PCDHA1: variants seen among roughly 807,000 people sequenced by gnomAD.
The protein encoded by PCDHA1 is protocadherin alpha 1.
In PCDHA1, 42 loss-of-function variants were observed where a neutral mutation model predicts 61.3. The ratio of observed to expected loss-of-function variants is 0.69; its 90% CI spans 0.54 to 0.89. The LOEUF is 0.89. Ranked by LOEUF, PCDHA1 falls within the 40% of genes least tolerant of loss-of-function variation. The pLI is 0.00. For synonymous variants in PCDHA1, 610 were observed against 553.8 expected (o/e 1.10, Z -1.43); for missense variants, 1,256 against 1,235.3 (o/e 1.02, Z -0.25).
chr5:140,800,906 G>C (rs1477930970), intron 1 of PCDHA1: 4 of 480,420 alleles, frequency 8.3e-6, no homozygotes, highest in Non-Finnish European at 1.3e-5. Context: ...GTGACCGAAG[G>C]ATATTACAAT....
At chr5:140,822,042 C>A (rs148967528) in intron 1 of PCDHA1, 3 of 1,614,176 alleles carry the variant, frequency 1.9e-6, no homozygotes, top group Non-Finnish European at 2.5e-6. Context: ...ATTCTCGGAT[C>A]GACCGGGAGG....
intron 1 of PCDHA1, chr5:140,836,425 G>C (rs2150260582): frequency 1.2e-6 from 2 of 1,613,790 alleles, no homozygotes; most frequent in Non-Finnish European, 1.7e-6. Context: ...GCGTCGTCGC[G>C]GGCATCGTTG....
chr5:140,832,014 A>T (rs2150199112), intron 1 of PCDHA1, among the ~76,000 whole-genome samples: 4 of 152,220 alleles, frequency 2.6e-5, no homozygotes, highest in Non-Finnish European at 5.9e-5. Context: ...CATTTTACGT[A>T]AAGATTGAAT....
chr5:140,884,433 G>T, intron 1 of PCDHA1: 1 of 1,613,908 alleles, frequency 6.2e-7, no homozygotes, highest in Admixed American at 1.7e-5. Context: ...ACTGCGCTGC[G>T]GTGCTCGGCA....
Position 140,786,200 on chromosome 5 carries a change from A to G in PCDHA1, c.-91A>G, listed in dbSNP as rs1761290730. Reference sequence around the variant, plus strand: ...TGTCACCGCCTGAGAGAAGACAGAAACGGTAAAGAGATAAATGATTGGAAA... The same window carrying G: ...TGTCACCGCCTGAGAGAAGACAGAAGCGGTAAAGAGATAAATGATTGGAAA... On this transcript the variant is annotated 5_prime_UTR_variant, in exon 1 of 4. Coordinates refer to ENST00000504120, the MANE Select transcript of PCDHA1 (RefSeq NM_018900.4). 1 of 1,472,996 alleles carries G rather than the reference A, an allele frequency of 6.8e-7. No homozygotes were observed. Among genetic ancestry groups the G allele is most frequent in the Admixed American group, 2.3e-5 (1 of 43,940 alleles). 91.2% of individuals were successfully genotyped at this position (1,472,996 alleles called of 1,614,324 possible).
In PCDHA1 at chr5:140,801,636, C is replaced by A. The variant is rs139627437; in HGVS notation, c.2394+12952C>A. On this transcript the variant is annotated intron_variant, in intron 1 of 3. Transcript: ENST00000504120. ...GAATCTGTTTATTTCCGAATCCCGA[C>A]AGCCTGGCTCTCGGTTTTCGCTAGA... 9.9e-6 allele frequency: 16 copies of A among 1,614,120 alleles called. No individual in the cohort carries two copies. In the African/African-American group the frequency reaches 2.1e-4, roughly 22 times the overall value.
chr5:140,815,358 T>C (rs1447082855), intron 1 of PCDHA1: 3 of 152,110 alleles, frequency 2.0e-5, no homozygotes, highest in East Asian at 3.8e-4. Context: ...ATATCTTCCA[T>C]AGGTATTTTC....
At chr5:140,965,033 T>C (rs1563339344) in intron 1 of PCDHA1, among the ~76,000 whole-genome samples, 2 of 152,192 alleles carry the variant, frequency 1.3e-5, no homozygotes, top group African/African-American at 4.8e-5. Flanking sequence ...CCTTTAACTG[T>C]CCGCTCTAGG....
At chr5:140,824,186 A>G in intron 1 of PCDHA1, 1 of 1,603,756 alleles carries the variant, frequency 6.2e-7, no homozygotes, top group Non-Finnish European at 8.5e-7. Flanking sequence ...ATTAAATGTC[A>G]CATTCACCCA....
chr5:140,833,280 G>A (rs181122201), intron 1 of PCDHA1, among the ~76,000 whole-genome samples: 14 of 152,214 alleles, frequency 9.2e-5, no homozygotes, highest in African/African-American at 3.4e-4. Flanking sequence ...AACTTATTTA[G>A]GAAAGCATCT....
intron 1 of PCDHA1, among the ~76,000 whole-genome samples, chr5:140,791,579 G>C (rs1761661806): frequency 9.0e-6 from 1 of 110,682 alleles, no homozygotes; most frequent in South Asian, 3.0e-4. Context: ...TTTTAAGAGG[G>C]GGGCATTTTT....
At chr5:140,870,938 C>G in intron 1 of PCDHA1, 1 of 1,613,724 alleles carries the variant, frequency 6.2e-7, no homozygotes, top group Non-Finnish European at 8.5e-7. Flanking sequence ...GAATTGCAGC[C>G]GGCGGCGGGC....
intron 1 of PCDHA1, among the ~76,000 whole-genome samples, chr5:140,798,009 C>A (rs1452528045): frequency 6.6e-6 from 1 of 152,128 alleles, no homozygotes; most frequent in Non-Finnish European, 1.5e-5. Flanking sequence ...CCCACCACCA[C>A]GCCCGGCTAT....
chr5:140,994,911 A>C (rs527704488), intron 3 of PCDHA1, among the ~76,000 whole-genome samples: 4 of 152,222 alleles, frequency 2.6e-5, no homozygotes, highest in African/African-American at 9.6e-5. Flanking sequence ...TGTAGACTGG[A>C]ATCAGATTTT....
At chr5:140,830,537 G>C (rs886492362) in intron 1 of PCDHA1, 1 of 1,226,260 alleles carries the variant, frequency 8.2e-7, no homozygotes, top group African/African-American at 1.6e-5. Flanking sequence ...ATTTATAATT[G>C]TTTTCCTCAT....
rs782517492 is a variant in PCDHA1, at chr5:140,857,455, A to G, written c.2394+68771A>G. The G allele has an allele frequency of 3.4e-5, 54 of 1,598,538 alleles. 6 individuals carry two copies. Among genetic ancestry groups the G allele is most frequent in the Admixed American group, 1.0e-4 (6 of 59,344 alleles). On this transcript the variant is annotated intron_variant, in intron 1 of 3. Transcript: ENST00000504120. ...TGTTCGTGAAGGAGAACAACCCGCC[A>G]GGCTGCCACATCTTCACGGTGTCTG...
At chr5:140,858,437 G>A (rs1343643925) in intron 1 of PCDHA1, 1 of 1,541,834 alleles carries the variant, frequency 6.5e-7, no homozygotes, top group Non-Finnish European at 8.8e-7. Flanking sequence ...CTCTAGGAAG[G>A]TGGGTTATTA....
At chr5:140,900,270 T>C (rs1203586696) in intron 1 of PCDHA1, among the ~76,000 whole-genome samples, 1 of 152,082 alleles carries the variant, frequency 6.6e-6, no homozygotes, top group Non-Finnish European at 1.5e-5. Flanking sequence ...ATTGTGTATA[T>C]GTACCACACT....
chr5:140,954,355 G>A (rs10054520), intron 1 of PCDHA1, among the ~76,000 whole-genome samples: 9 of 152,232 alleles, frequency 5.9e-5, no homozygotes, highest in African/African-American at 1.7e-4. Context: ...TTGAGGAATC[G>A]CCACACAGTC....
Sources: allele counts gnomAD v4.1 joint callset (sites outside exome capture counted in the v4.1 genomes callset), GRCh38; gene constraint gnomAD v4.1.1; transcripts MANE v1.5; gene names NCBI Gene and HGNC (gene_info 2026-07-23, HGNC 2026-07-21).